Variants in OSBPL3 observed in about 807,000 individuals in gnomAD.
OSBPL3 encodes the protein oxysterol binding protein like 3, also known as oxysterol-binding protein-related protein 3.
Under a neutral mutation model 120.1 loss-of-function variants are expected in OSBPL3, and 65 were observed. That is an observed-to-expected ratio of 0.54 (90% CI 0.44 to 0.67). The LOEUF (loss-of-function observed/expected upper bound fraction) is 0.67, where lower values mean the gene tolerates loss of function less well. Among genes scored for constraint, OSBPL3 ranks in the 30% least tolerant of loss-of-function variants. OSBPL3 has a pLI of 0.00. For synonymous variants in OSBPL3, 416 were observed against 402.6 expected (o/e 1.03, Z -0.40); for missense variants, 1,004 against 1,082.1 (o/e 0.93, Z 1.01).
At chr7:24,943,026 G>A (rs1030586682) in intron 1 of OSBPL3, among the ~76,000 whole-genome samples, 4 of 152,192 alleles carry the variant, frequency 2.6e-5, no homozygotes, top group African/African-American at 9.7e-5. Flanking sequence ...ACCTGCAAAG[G>A]CCATCCTCTC....
rs1183711063 is a variant in OSBPL3 at position 24,936,522 on chromosome 7, C to T, written c.-150+43364G>A. On this transcript the variant is annotated intron_variant, in intron 1 of 22. Transcript: ENST00000313367. This position sits in a 1 kb window ranked among gnomAD's most constrained non-coding sequence, Gnocchi z 4.2. The stretch of plus-strand genomic sequence containing the variant: ...TATATGGAGAAGTAAACAGCCAATT[C>T]TGTCTAGGAGTGGGAAAGCAGAATG... Among the ~76,000 whole-genome samples the T allele has an allele frequency of 6.6e-6, 1 of 152,184 alleles. No homozygotes were observed. Among genetic ancestry groups the T allele is most frequent in the Non-Finnish European group, 1.5e-5 (1 of 68,026 alleles).
rs1427554633 is a variant in OSBPL3 at position 24,894,505 on chromosome 7, G to A, written c.-149-1884C>T. Among the ~76,000 whole-genome samples, 4 of 150,096 alleles carry A rather than the reference G, an allele frequency of 2.7e-5. No individual in the cohort carries two copies. Among genetic ancestry groups the A allele is most frequent in the African/African-American group, 4.9e-5 (2 of 40,852 alleles). On this transcript the variant is annotated intron_variant, in intron 1 of 22. Coordinates refer to ENST00000313367, the MANE Select transcript of OSBPL3 (RefSeq NM_015550.4). The surrounding 1 kb of genome is among the most constrained non-coding windows in gnomAD (Gnocchi z 4.1). ...GTGTTGGCTGTTGCTGTTTGAGAAAGAAAAAAAAAAAATCAAAAACCTGGT... is the reference window on the plus strand; with the variant it reads ...GTGTTGGCTGTTGCTGTTTGAGAAAAAAAAAAAAAAAATCAAAAACCTGGT...
rs1811953611 is a variant in OSBPL3 at position 24,932,859 on chromosome 7, A to C, written c.-149-40238T>G. 6.6e-6 allele frequency among the ~76,000 whole-genome samples: 1 copy of C among 152,242 alleles called. No homozygotes were observed. The highest frequency in any genetic ancestry group is 2.4e-5 in the African/African-American group (1 of 41,456). The stretch of plus-strand genomic sequence containing the variant: ...TGGGCATTCAGGAACGATCTTTCTA[A>C]GATCACTTTTTAAAAGAAACAAAAA... On this transcript the variant is annotated intron_variant, in intron 1 of 22. Transcript: ENST00000313367. The surrounding 1 kb of genome is among the most constrained non-coding windows in gnomAD (Gnocchi z 5.6).
chr7:24,800,788 T>TA (rs1226970715), intron 22 of OSBPL3, among the ~76,000 whole-genome samples: 1 of 151,880 alleles, frequency 6.6e-6, no homozygotes, highest in African/African-American at 2.4e-5. Flanking sequence ...TTCTCAAACT[T>TA]AGAGGCTATG....
intron 12 of OSBPL3, among the ~76,000 whole-genome samples, chr7:24,844,966 ATATTT>A (rs1798223204): frequency 6.6e-6 from 1 of 152,072 alleles, no homozygotes; most frequent in Non-Finnish European, 1.5e-5. Context: ...TAATTGATAA[ATATTT>A]TATTATATAG....
At position 24,953,750 on chromosome 7, in the gene OSBPL3, T is replaced by C. The variant is rs1401773386; in HGVS notation, c.-150+26136A>G. Among the ~76,000 whole-genome samples, 1 of 152,186 alleles carries C rather than the reference T, an allele frequency of 6.6e-6. No individual in the cohort carries two copies. Among genetic ancestry groups the C allele is most frequent in the Non-Finnish European group, 1.5e-5 (1 of 68,032 alleles). ...AAAATAGAACTCCAAGTCACTTAGA[T>C]CAAGGCACAACTGGAGCTCCATTTA... On this transcript the variant is annotated intron_variant, in intron 1 of 22. Coordinates refer to ENST00000313367, the MANE Select transcript of OSBPL3 (RefSeq NM_015550.4). The surrounding 1 kb of genome is among the most constrained non-coding windows in gnomAD (Gnocchi z 4.3).
chr7:24,942,872 C>A (rs998068957), intron 1 of OSBPL3, among the ~76,000 whole-genome samples: 2 of 152,146 alleles, frequency 1.3e-5, no homozygotes, highest in Non-Finnish European at 1.5e-5. Flanking sequence ...ATGAAGTCCA[C>A]AAAAAGCCCA....
chr7:24,945,009 C>T (rs756316873), intron 1 of OSBPL3, among the ~76,000 whole-genome samples: 3 of 152,076 alleles, frequency 2.0e-5, no homozygotes, highest in Non-Finnish European at 2.9e-5. Flanking sequence ...AAACCAAAAC[C>T]GCCACTGCCA....
chr7:24,832,569 C>T (rs1796532180), intron 15 of OSBPL3, among the ~76,000 whole-genome samples: 1 of 150,902 alleles, frequency 6.6e-6, no homozygotes, highest in Non-Finnish European at 1.5e-5. Flanking sequence ...GTCAGTCCTA[C>T]TTGTGACTGC....
Position 24,863,604 on chromosome 7 carries a change from G to A in OSBPL3, c.674-5C>T, listed in dbSNP as rs1221163456. On this transcript the variant is annotated splice_region_variant and splice_polypyrimidine_tract_variant and intron_variant, in intron 7 of 22. Transcript: ENST00000313367. This position sits in a 1 kb window ranked among gnomAD's most constrained non-coding sequence, Gnocchi z 5.8. ...AGGCATGACAGTGCGCCAGGTCTGT[G>A]GGGGAAAAGAGGACAGTGCTCACAA... 1.9e-6 allele frequency: 3 copies of A among 1,598,094 alleles called. No homozygotes were observed. Among genetic ancestry groups the A allele is most frequent in the Non-Finnish European group, 2.6e-6 (3 of 1,165,552 alleles).
rs545850827 is a variant in OSBPL3, at chr7:24,840,957, C to T, written c.1402-174G>A. 2.6e-5 allele frequency among the ~76,000 whole-genome samples: 4 copies of T among 152,332 alleles called. No homozygotes were observed. In the South Asian group the frequency reaches 8.3e-4, roughly 32 times the overall value. On this transcript the variant is annotated intron_variant, in intron 13 of 22. Coordinates refer to ENST00000313367, the MANE Select transcript of OSBPL3 (RefSeq NM_015550.4). ...CTGCCAAGGAGGTGTTCACAACAAA[C>T]ACCTGTTCTTAAAATTCTTACACAT...
intron 1 of OSBPL3, among the ~76,000 whole-genome samples, chr7:24,961,754 CGCACCAAGGACTG>C (rs1815768054): frequency 6.6e-6 from 1 of 152,064 alleles, no homozygotes; most frequent in Non-Finnish European, 1.5e-5. Context: ...TAAGACAGGG[CGCACCAAGGACTG>C]GCAGTCAGCA....
chr7:24,925,416 G>A (rs1332221606), intron 1 of OSBPL3, among the ~76,000 whole-genome samples: 1 of 152,146 alleles, frequency 6.6e-6, no homozygotes, highest in African/African-American at 2.4e-5. Context: ...AATTCCAGCC[G>A]GAATACTCAA....
rs1371464285 is a variant in OSBPL3, at chr7:24,930,568, T to C, written c.-149-37947A>G. ...CTAAAAAAAGATCACATATTAAAAATACATATGCAGTGTACTTCAAAGGGC... is the reference window on the plus strand; with the variant it reads ...CTAAAAAAAGATCACATATTAAAAACACATATGCAGTGTACTTCAAAGGGC... On this transcript the variant is annotated intron_variant, in intron 1 of 22. Coordinates refer to ENST00000313367, the MANE Select transcript of OSBPL3 (RefSeq NM_015550.4). This position sits in a 1 kb window ranked among gnomAD's most constrained non-coding sequence, Gnocchi z 4.4. Among the ~76,000 whole-genome samples the C allele has an allele frequency of 2.0e-5, 3 of 152,110 alleles. No individual in the cohort carries two copies. Among genetic ancestry groups the C allele is most frequent in the African/African-American group, 7.2e-5 (3 of 41,430 alleles).
intron 22 of OSBPL3, 146 bp from the exon 23 acceptor site, chr7:24,800,425 A>G: frequency 2.0e-6 from 1 of 506,680 alleles, no homozygotes; most frequent in Non-Finnish European, 3.6e-6. Flanking sequence ...GAATTCTGGG[A>G]ATTAGATGTC....
chr7:24,839,252 A>G (rs576775098), intron 14 of OSBPL3, among the ~76,000 whole-genome samples: 68 of 152,324 alleles, frequency 4.5e-4, no homozygotes, highest in Middle Eastern at 6.8e-3. Context: ...ACTGAGTACC[A>G]AGACTGATAA....
intron 5 of OSBPL3, among the ~76,000 whole-genome samples, chr7:24,868,262 A>G (rs529633682): frequency 6.6e-6 from 1 of 151,148 alleles, no homozygotes; most frequent in African/African-American, 2.4e-5. Flanking sequence ...GGTTGCAATA[A>G]GCCGAGATCA....
At position 24,803,757 on chromosome 7, in the gene OSBPL3, C is replaced by A. The variant is rs995872147; in HGVS notation, c.2567+558G>T. 6.6e-6 allele frequency among the ~76,000 whole-genome samples: 1 copy of A among 150,852 alleles called. No individual in the cohort carries two copies. Among genetic ancestry groups the A allele is most frequent in the Non-Finnish European group, 1.5e-5 (1 of 67,850 alleles). The stretch of plus-strand genomic sequence containing the variant: ...CTGCACTCCAGCCTGGGTGACAGAG[C>A]GAGACTCTGTATCAGAAAAAAAAAA... On this transcript the variant is annotated intron_variant, in intron 22 of 22. Coordinates refer to ENST00000313367, the MANE Select transcript of OSBPL3 (RefSeq NM_015550.4). The surrounding 1 kb of genome is among the most constrained non-coding windows in gnomAD (Gnocchi z 4.2).
At chr7:24,975,941 G>A (rs2128549175) in intron 1 of OSBPL3, among the ~76,000 whole-genome samples, 1 of 152,276 alleles carries the variant, frequency 6.6e-6, no homozygotes, top group South Asian at 2.1e-4. Context: ...AAGGCAAAAC[G>A]CTTTGTTGAT....
Sources: gnomAD v4.1 joint callset for allele counts (sites outside exome capture counted in the v4.1 genomes callset) on GRCh38, gnomAD v4.1.1 for gene constraint, Gnocchi (gnomAD v3.1) non-coding constraint, MANE v1.5 for transcripts, NCBI Gene and HGNC (gene_info 2026-07-23, HGNC 2026-07-21) for gene names.